Variants in GAP43 observed in about 807,000 individuals in gnomAD.
GAP43 encodes growth associated protein 43.
Under a neutral mutation model 18.6 loss-of-function variants are expected in GAP43, and 6 were observed. The observed-to-expected ratio is 0.32, with a 90% CI of 0.18 to 0.64. The LOEUF is 0.64. Ranked by LOEUF, GAP43 falls within the 30% of genes least tolerant of loss-of-function variation. The probability of loss-of-function intolerance (pLI) is 0.78; values close to 1 mark genes in which losing one functional copy is unlikely to be tolerated. For synonymous variants in GAP43, 115 were observed against 111.4 expected, an observed-to-expected ratio of 1.03 and a Z score of -0.20; for missense variants, 292 against 295.5, an observed-to-expected ratio of 0.99 and a Z score of 0.09.
intron 2 of GAP43, among the ~76,000 whole-genome samples, chr3:115,685,727 G>T (rs943602379): frequency 6.6e-6 from 1 of 152,192 alleles, no homozygotes. Flanking sequence ...CTAAGAAAGC[G>T]CAGAGTTCAG....
At chr3:115,641,006 CTCTTTCTT>C (rs894538475) in intron 1 of GAP43, among the ~76,000 whole-genome samples, 2 of 135,822 alleles carry the variant, frequency 1.5e-5, no homozygotes, top group African/African-American at 5.4e-5. Flanking sequence ...TTCTCTTTCT[CTCTTTCTT>C]GCTTTATTCT....
intron 2 of GAP43, among the ~76,000 whole-genome samples, chr3:115,697,956 C>A (rs963605721): frequency 7.2e-6 from 1 of 138,452 alleles, no homozygotes; most frequent in Non-Finnish European, 1.5e-5. Context: ...AAAGGAACCA[C>A]TGCATAAAAA....
intron 1 of GAP43, among the ~76,000 whole-genome samples, chr3:115,638,480 T>TGGTGTCCA (rs1708356848): frequency 6.6e-6 from 1 of 151,806 alleles, no homozygotes; most frequent in Non-Finnish European, 1.5e-5. Context: ...TCCATCTGAG[T>TGGTGTCCA]GGTGTCCAAG....
At chr3:115,638,639 C>G (rs1002546812) in intron 1 of GAP43, among the ~76,000 whole-genome samples, 4 of 151,806 alleles carry the variant, frequency 2.6e-5, no homozygotes, top group African/African-American at 9.7e-5. Context: ...ACATCCCAGA[C>G]TCTATTGCAA....
intron 1 of GAP43, among the ~76,000 whole-genome samples, chr3:115,629,106 T>C (rs76080993): frequency 6.6e-6 from 1 of 152,194 alleles, no homozygotes; most frequent in Non-Finnish European, 1.5e-5. Context: ...TCTAAATCCT[T>C]TGATTCCTTG....
At position 115,689,149 on chromosome 3, in the gene GAP43, T is replaced by C. The variant is rs188348536; in HGVS notation, c.628+12539T>C. ...TTTGAATGTCCCTTACTCAGACAAG[T>C]CTTCCCTGACCATTTGGGCAGAACA... On this transcript the variant is annotated intron_variant, in intron 2 of 2. Transcript: ENST00000305124. Among the ~76,000 whole-genome samples, 16 of 152,318 alleles carry C rather than the reference T, an allele frequency of 1.1e-4. No homozygotes were observed. The East Asian group carries it at 2.7e-3, about 26-fold the overall frequency.
At chr3:115,667,597 G>A (rs528649976) in intron 1 of GAP43, among the ~76,000 whole-genome samples, 1 of 152,334 alleles carries the variant, frequency 6.6e-6, no homozygotes, top group Non-Finnish European at 1.5e-5. Context: ...TTTATGCTAA[G>A]TTCCCTGGGC....
chr3:115,704,974 A>G (rs1179134322), intron 2 of GAP43, among the ~76,000 whole-genome samples: 1 of 152,152 alleles, frequency 6.6e-6, no homozygotes, highest in African/African-American at 2.4e-5. Flanking sequence ...GTCCTGATTT[A>G]TGTGGCTTAG....
chr3:115,623,972 TTTC>T (rs1019272362), intron 1 of GAP43, among the ~76,000 whole-genome samples: 1 of 152,116 alleles, frequency 6.6e-6, no homozygotes, highest in African/African-American at 2.4e-5. Context: ...AATTTTTTTT[TTTC>T]TTATTAGTGA....
intron 1 of GAP43, among the ~76,000 whole-genome samples, chr3:115,660,161 A>G (rs1294937478): frequency 6.6e-6 from 1 of 152,180 alleles, no homozygotes; most frequent in African/African-American, 2.4e-5. Flanking sequence ...AGAGGCATGC[A>G]GGTCAAGTCA....
chr3:115,677,390 C>T (rs1708906448), intron 2 of GAP43, among the ~76,000 whole-genome samples: 1 of 152,120 alleles, frequency 6.6e-6, no homozygotes, highest in African/African-American at 2.4e-5. Flanking sequence ...CAAAAAGGTA[C>T]TGGATTCTCT....
intron 2 of GAP43, among the ~76,000 whole-genome samples, chr3:115,683,124 TGCGCGCGCGTGCGCGC>T (rs1163813575): frequency 1.8e-4 from 20 of 113,796 alleles, no homozygotes; most frequent in African/African-American, 4.7e-4. Flanking sequence ...TACATACATG[TGCGCGCGCGTGCGCGC>T]GCGCGCGCAC....
chr3:115,699,356 A>G (rs1482297113), intron 2 of GAP43, among the ~76,000 whole-genome samples: 1 of 151,930 alleles, frequency 6.6e-6, no homozygotes, highest in Admixed American at 6.6e-5. Flanking sequence ...ATCGTTCCCA[A>G]CCTTCCTTCC....
intron 1 of GAP43, among the ~76,000 whole-genome samples, chr3:115,641,037 C>CT (rs1161384206): frequency 2.2e-3 from 73 of 33,194 alleles, no homozygotes; most frequent in South Asian, 4.6e-3. Context: ...TTTTTTTTTT[C>CT]TTTTTTTTTT....
At chr3:115,702,773 A>G (rs1181723052) in intron 2 of GAP43, among the ~76,000 whole-genome samples, 1 of 152,088 alleles carries the variant, frequency 6.6e-6, no homozygotes, top group Non-Finnish European at 1.5e-5. Context: ...TCTCAGCTAA[A>G]CATCCATGAG....
chr3:115,699,767 A>T lies in GAP43; in HGVS notation c.629-21027A>T, dbSNP rs535551380. Among the ~76,000 whole-genome samples, 4 of 152,290 alleles carry T rather than the reference A, an allele frequency of 2.6e-5. No homozygotes were observed. The South Asian group carries it at 6.2e-4, about 24-fold the overall frequency. On this transcript the variant is annotated intron_variant, in intron 2 of 2. Transcript: ENST00000305124. Reference sequence around the variant, plus strand: ...TTAAGAAGGATTTTATTTAATTAAAATATTTTAAATTAGGAAACAGTGCCA... The same window carrying T: ...TTAAGAAGGATTTTATTTAATTAAATTATTTTAAATTAGGAAACAGTGCCA...
chr3:115,646,781 C>T (rs929425366), intron 1 of GAP43, among the ~76,000 whole-genome samples: 20 of 151,906 alleles, frequency 1.3e-4, no homozygotes, highest in South Asian at 4.1e-4. Flanking sequence ...GACTCATTTG[C>T]GATTTGGTAC....
intron 2 of GAP43, among the ~76,000 whole-genome samples, chr3:115,683,348 G>T (rs2107352917): frequency 6.6e-6 from 1 of 152,172 alleles, no homozygotes; most frequent in Admixed American, 6.5e-5. Context: ...AGATAGAGGG[G>T]CAAAGAATCT....
At chr3:115,707,364 A>C (rs1709377448) in intron 2 of GAP43, among the ~76,000 whole-genome samples, 1 of 152,138 alleles carries the variant, frequency 6.6e-6, no homozygotes, top group South Asian at 2.1e-4. Context: ...GCAGTGGCTC[A>C]CTGCAGCCTT....
Sources: gnomAD v4.1 joint callset for allele counts (sites outside exome capture counted in the v4.1 genomes callset) on GRCh38, gnomAD v4.1.1 for gene constraint, MANE v1.5 for transcripts, NCBI Gene and HGNC (gene_info 2026-07-23, HGNC 2026-07-21) for gene names.